The following INPP5A variants were observed in gnomAD, a reference collection of about 807,000 sequenced individuals.
The protein encoded by INPP5A is 43 kDa inositol polyphosphate 5-phophatase.
In INPP5A, 14 loss-of-function variants were observed where a neutral mutation model predicts 65.2. The observed-to-expected ratio is 0.21, with a 90% CI of 0.14 to 0.34. The LOEUF (loss-of-function observed/expected upper bound fraction) is 0.34, where lower values mean the gene tolerates loss of function less well. Among genes scored for constraint, INPP5A ranks in the 10% least tolerant of loss-of-function variants. INPP5A has a pLI of 1.00. For synonymous variants in INPP5A, 207 were observed against 208.3 expected, an observed-to-expected ratio of 0.99 and a Z score of 0.05; for missense variants, 431 against 545.6, an observed-to-expected ratio of 0.79 and a Z score of 2.09.
At chr10:132,740,103 G>A (rs1182109822) in intron 9 of INPP5A, among the ~76,000 whole-genome samples, 1 of 152,202 alleles carries the variant, frequency 6.6e-6, no homozygotes, top group East Asian at 1.9e-4. Context: ...ATCTGCACCA[G>A]CGTCCATAAT....
At chr10:132,703,226 A>G (rs949065542) in intron 6 of INPP5A, among the ~76,000 whole-genome samples, 2 of 152,080 alleles carry the variant, frequency 1.3e-5, no homozygotes, top group African/African-American at 4.8e-5. Context: ...TGTGATTGTC[A>G]TCAGCTGGCG....
At chr10:132,601,331 A>G (rs759379808) in intron 1 of INPP5A, among the ~76,000 whole-genome samples, 2 of 152,152 alleles carry the variant, frequency 1.3e-5, no homozygotes, top group South Asian at 4.1e-4. Context: ...TCCTCTTCCT[A>G]TTTTTAATGG....
chr10:132,663,678 G>C lies in INPP5A; in HGVS notation c.306+13173G>C, dbSNP rs549932990. 1.3e-5 allele frequency among the ~76,000 whole-genome samples: 2 copies of C among 152,238 alleles called. No homozygotes were observed. Among genetic ancestry groups the C allele is most frequent in the African/African-American group, 4.8e-5 (2 of 41,456 alleles). Reference sequence around the variant, plus strand: ...CTTCTGGCTGGGGTTGGTTTGCAGTGGAGTCTGTGCCTGTGGCAGCCGTCT... The same window carrying C: ...CTTCTGGCTGGGGTTGGTTTGCAGTCGAGTCTGTGCCTGTGGCAGCCGTCT... On this transcript the variant is annotated intron_variant, in intron 4 of 15. Coordinates refer to ENST00000368594, the MANE Select transcript of INPP5A (RefSeq NM_005539.5). This position sits in a 1 kb window ranked among gnomAD's most constrained non-coding sequence, Gnocchi z 4.5.
chr10:132,695,702 G>A (rs1035842667), intron 5 of INPP5A, among the ~76,000 whole-genome samples: 1 of 152,196 alleles, frequency 6.6e-6, no homozygotes, highest in Admixed American at 6.5e-5. Flanking sequence ...CTGTGTAGCA[G>A]CAATGAACAG....
At chr10:132,612,006 TGAG>T (rs2071964784) in intron 2 of INPP5A, among the ~76,000 whole-genome samples, 1 of 41,160 alleles carries the variant, frequency 2.4e-5, no homozygotes. Context: ...GTGTGGGAGG[TGAG>T]GAGGGTAGGG....
At chr10:132,567,678 G>A (rs140209285) in intron 1 of INPP5A, among the ~76,000 whole-genome samples, 5 of 152,134 alleles carry the variant, frequency 3.3e-5, no homozygotes, top group African/African-American at 7.2e-5. Flanking sequence ...TGCGGGGCTC[G>A]GTCTGATTTC....
At position 132,650,336 on chromosome 10, in the gene INPP5A, C is replaced by A; in HGVS notation, c.219-82C>A. 2.3e-6 allele frequency: 2 copies of A among 884,866 alleles called. No homozygotes were observed. Among genetic ancestry groups the A allele is most frequent in the Non-Finnish European group, 3.8e-6 (2 of 524,486 alleles). The allele number at this position is 884,866 out of a possible 1,614,324, so 54.8% of individuals were successfully genotyped here. A position where few individuals can be genotyped will look rare whatever the true frequency, so the allele number is the denominator to read the frequency against. ...CGGTGATGTACCTATGTGCTGGAGC[C>A]CCTCTTATACCTTGTGGTCATCTCA... On this transcript the variant is annotated intron_variant, in intron 3 of 15. Transcript: ENST00000368594. The surrounding 1 kb of genome is among the most constrained non-coding windows in gnomAD (Gnocchi z 5.5).
intron 1 of INPP5A, among the ~76,000 whole-genome samples, chr10:132,565,621 GTA>G (rs1384940099): frequency 6.6e-6 from 1 of 152,154 alleles, no homozygotes; most frequent in African/African-American, 2.4e-5. Context: ...GTGCATGTGT[GTA>G]TGTGTGTATA....
intron 1 of INPP5A, among the ~76,000 whole-genome samples, chr10:132,578,074 T>C (rs1022236752): frequency 1.3e-5 from 2 of 152,248 alleles, no homozygotes; most frequent in Non-Finnish European, 2.9e-5. Context: ...TTGAACTGCA[T>C]TGAATGAAGT....
intron 4 of INPP5A, among the ~76,000 whole-genome samples, chr10:132,688,256 T>C (rs992451514): frequency 1.3e-5 from 2 of 152,200 alleles, no homozygotes; most frequent in Admixed American, 6.5e-5. Flanking sequence ...CACCATGCAC[T>C]GTGCCTGCCG....
intron 1 of INPP5A, among the ~76,000 whole-genome samples, chr10:132,604,515 TG>T (rs1352451712): frequency 6.6e-6 from 1 of 152,200 alleles, no homozygotes; most frequent in African/African-American, 2.4e-5. Context: ...TGGTGAGGTT[TG>T]GGGGGAAAGG....
At chr10:132,691,827 G>T (rs889893224) in intron 5 of INPP5A, among the ~76,000 whole-genome samples, 1 of 147,632 alleles carries the variant, frequency 6.8e-6, no homozygotes, top group Admixed American at 6.8e-5. Flanking sequence ...CGCGGGAGAC[G>T]TGTGGTCGCG....
intron 4 of INPP5A, among the ~76,000 whole-genome samples, chr10:132,654,741 G>T (rs1164367638): frequency 6.6e-6 from 1 of 152,260 alleles, no homozygotes; most frequent in Non-Finnish European, 1.5e-5. Flanking sequence ...AATTTATCTT[G>T]TACATAAATG....
chr10:132,672,932 T>G (rs2072911792), intron 4 of INPP5A, among the ~76,000 whole-genome samples: 1 of 152,086 alleles, frequency 6.6e-6, no homozygotes, highest in African/African-American at 2.4e-5. Flanking sequence ...GTCCCAAACC[T>G]TCATTCCTGA....
chr10:132,613,503 A>T (rs949150056), intron 2 of INPP5A, among the ~76,000 whole-genome samples: 1 of 152,266 alleles, frequency 6.6e-6, no homozygotes, highest in Admixed American at 6.5e-5. Flanking sequence ...TGCTCTGTGC[A>T]GTGTGTCATT....
chr10:132,578,839 A>AG (rs1590843594), intron 1 of INPP5A, among the ~76,000 whole-genome samples: 2 of 152,032 alleles, frequency 1.3e-5, no homozygotes, highest in East Asian at 3.9e-4. Context: ...TGGTGGCTGG[A>AG]GGGGGTGCCA....
chr10:132,683,368 A>G (rs543343855), intron 4 of INPP5A, among the ~76,000 whole-genome samples: 5 of 152,086 alleles, frequency 3.3e-5, no homozygotes, highest in Non-Finnish European at 7.4e-5. Flanking sequence ...ATACATATGC[A>G]CACACGTTTA....
chr10:132,638,586 G>T (rs1031812285), intron 2 of INPP5A, among the ~76,000 whole-genome samples: 11 of 151,980 alleles, frequency 7.2e-5, no homozygotes, highest in African/African-American at 4.8e-5. Flanking sequence ...TTTATTTTTT[G>T]AGACAGAATG....
At chr10:132,713,969 A>G (rs1469086660) in intron 8 of INPP5A, among the ~76,000 whole-genome samples, 1 of 152,004 alleles carries the variant, frequency 6.6e-6, no homozygotes, top group Non-Finnish European at 1.5e-5. Context: ...GAAGGGCCTC[A>G]CCCACAGGAG....
Sources: gnomAD v4.1 joint callset for allele counts (sites outside exome capture counted in the v4.1 genomes callset) on GRCh38, gnomAD v4.1.1 for gene constraint, Gnocchi (gnomAD v3.1) non-coding constraint, MANE v1.5 for transcripts, NCBI Gene and HGNC (gene_info 2026-07-23, HGNC 2026-07-21) for gene names.